Variants in TYW1B observed in about 807,000 individuals in gnomAD.
TYW1B encodes the protein S-adenosyl-L-methionine-dependent tRNA 4-demethylwyosine synthase TYW1B.
Under a neutral mutation model 86.9 loss-of-function variants are expected in TYW1B, and 73 were observed. The observed-to-expected ratio is 0.84, with a 90% CI of 0.70 to 1.02. The LOEUF (loss-of-function observed/expected upper bound fraction) is 1.02. Among genes scored for constraint, TYW1B ranks in the 50% least tolerant of loss-of-function variants. TYW1B has a pLI of 0.00. For missense variants in TYW1B, 637 were observed against 827.4 expected, an observed-to-expected ratio of 0.77 and a Z score of 2.82; for synonymous variants, 248 against 292.8, an observed-to-expected ratio of 0.85 and a Z score of 1.56.
intron 11 of TYW1B, among the ~76,000 whole-genome samples, chr7:72,652,938 A>G (rs1227328073): frequency 6.6e-6 from 1 of 152,204 alleles, no homozygotes; most frequent in Non-Finnish European, 1.5e-5. Flanking sequence ...GTGTACATAA[A>G]TTTTTGCAGT....
intron 11 of TYW1B, among the ~76,000 whole-genome samples, chr7:72,659,591 GA>G (rs1245106743): frequency 6.6e-6 from 1 of 151,918 alleles, no homozygotes; most frequent in Non-Finnish European, 1.5e-5. Context: ...GAAAAGAAAA[GA>G]AAAAAACAAA....
intron 13 of TYW1B, among the ~76,000 whole-genome samples, chr7:72,587,843 G>C (rs1300321617): frequency 6.6e-6 from 1 of 152,104 alleles, no homozygotes. Flanking sequence ...AGTTAGTTCA[G>C]TCTACACCCA....
At chr7:72,602,833 AACACACACACACACACACACAC>A (rs55709140) in intron 13 of TYW1B, among the ~76,000 whole-genome samples, 17 of 128,114 alleles carry the variant, frequency 1.3e-4, no homozygotes, top group African/African-American at 3.3e-4. Context: ...AAGTGCTCAA[AACACACACACACACACACACAC>A]ACACACACAC....
intron 6 of TYW1B, among the ~76,000 whole-genome samples, chr7:72,798,125 C>A (rs555447683): frequency 6.6e-6 from 1 of 152,034 alleles, no homozygotes; most frequent in African/African-American, 2.4e-5. Flanking sequence ...CTCAGCCGGC[C>A]GGGCGCGGTG....
chr7:72,704,018 T>C (rs1393866986), intron 10 of TYW1B, among the ~76,000 whole-genome samples: 12 of 152,166 alleles, frequency 7.9e-5, no homozygotes, highest in African/African-American at 2.4e-4. Context: ...CAATTAAAAA[T>C]CTACTACTGT....
In TYW1B at chr7:72,618,518, C is replaced by T. The variant is rs543965110; in HGVS notation, c.1618-1679G>A. On this transcript the variant is annotated intron_variant, in intron 12 of 13. Transcript: ENST00000620995. ...GGTGTGAGCCAACACGCCTGGCCAA[C>T]ACTTAATTTTTAAAAACCAACAAAT... Among the ~76,000 whole-genome samples the T allele has an allele frequency of 3.9e-4, 60 of 152,034 alleles. 2 individuals are homozygous for T. The highest frequency in any genetic ancestry group is 1.4e-3 in the African/African-American group (57 of 41,536).
intron 13 of TYW1B, among the ~76,000 whole-genome samples, chr7:72,611,590 T>C (rs1323108759): frequency 1.3e-5 from 2 of 152,080 alleles, no homozygotes; most frequent in African/African-American, 2.4e-5. Context: ...GAACTGTGAG[T>C]CCATTAAACC....
intron 11 of TYW1B, among the ~76,000 whole-genome samples, chr7:72,650,495 C>A (rs1323572698): frequency 6.6e-6 from 1 of 152,080 alleles, no homozygotes; most frequent in African/African-American, 2.4e-5. Flanking sequence ...AAAATTAAGC[C>A]TTCCATGCAA....
At chr7:72,591,607 C>A (rs1479975921) in intron 13 of TYW1B, among the ~76,000 whole-genome samples, 1 of 152,084 alleles carries the variant, frequency 6.6e-6, no homozygotes, top group African/African-American at 2.4e-5. Flanking sequence ...GGAAATAAGA[C>A]ATTTCCAAAT....
At chr7:72,813,553 G>A (rs1402539398) in intron 3 of TYW1B, among the ~76,000 whole-genome samples, 2 of 152,288 alleles carry the variant, frequency 1.3e-5, no homozygotes, top group East Asian at 3.9e-4. Context: ...GCCAGGCTAA[G>A]ACCTGAGATT....
At chr7:72,727,404 G>A (rs781885851) in intron 9 of TYW1B, among the ~76,000 whole-genome samples, 1 of 152,100 alleles carries the variant, frequency 6.6e-6, no homozygotes, top group Non-Finnish European at 1.5e-5. Flanking sequence ...GATTCAACAG[G>A]GAACCTAACA....
chr7:72,617,222 G>A (rs1269311137), intron 12 of TYW1B, among the ~76,000 whole-genome samples: 2 of 152,128 alleles, frequency 1.3e-5, no homozygotes, highest in Admixed American at 6.5e-5. Flanking sequence ...AATAATGGGG[G>A]CATAGTGGAC....
At chr7:72,671,440 T>C (rs1164801396) in intron 11 of TYW1B, among the ~76,000 whole-genome samples, 2 of 152,186 alleles carry the variant, frequency 1.3e-5, no homozygotes, top group African/African-American at 4.8e-5. Flanking sequence ...CAATGAATAA[T>C]CTTGTATATA....
chr7:72,803,410 C>T (rs1468906162), intron 5 of TYW1B, among the ~76,000 whole-genome samples: 1 of 152,104 alleles, frequency 6.6e-6, no homozygotes, highest in Non-Finnish European at 1.5e-5. Context: ...GACACATTTG[C>T]TGAGTATCTA....
intron 11 of TYW1B, among the ~76,000 whole-genome samples, chr7:72,674,242 TCCCAGG>T (rs1813682392): frequency 6.6e-6 from 1 of 152,128 alleles, no homozygotes; most frequent in African/African-American, 2.4e-5. Flanking sequence ...GGCAGCAACC[TCCCAGG>T]TTTCTTAGTC....
intron 7 of TYW1B, among the ~76,000 whole-genome samples, chr7:72,764,064 A>T (rs556563978): frequency 6.7e-6 from 1 of 149,896 alleles, no homozygotes; most frequent in South Asian, 2.1e-4. Context: ...AGATTATATG[A>T]AATTTATAGA....
Position 72,728,098 on chromosome 7 carries a change from TA to T in TYW1B, c.1192+723del, listed in dbSNP as rs1787035717. ...TATTTATATTATCCCTCCTTTTTTT[TA>T]AATAAGGAATTCATTCAAAACCGTT... On this transcript the variant is annotated intron_variant, in intron 9 of 13. Transcript: ENST00000620995. Among the ~76,000 whole-genome samples the T allele has an allele frequency of 2.6e-5, 4 of 152,268 alleles. No homozygotes were observed. The South Asian group carries it at 8.3e-4, about 32-fold the overall frequency.
At chr7:72,609,016 G>A (rs573071964) in intron 13 of TYW1B, among the ~76,000 whole-genome samples, 9 of 152,264 alleles carry the variant, frequency 5.9e-5, no homozygotes, top group Non-Finnish European at 7.4e-5. Context: ...TTGTACCAAC[G>A]TCTATTTCCT....
intron 9 of TYW1B, among the ~76,000 whole-genome samples, chr7:72,723,289 A>G (rs1786939091): frequency 6.6e-6 from 1 of 152,196 alleles, no homozygotes; most frequent in Non-Finnish European, 1.5e-5. Flanking sequence ...AATAATAATT[A>G]ATGAGCTAAG....
Sources: gnomAD v4.1 joint callset for allele counts (sites outside exome capture counted in the v4.1 genomes callset) on GRCh38, gnomAD v4.1.1 for gene constraint, MANE v1.5 for transcripts, NCBI Gene and HGNC (gene_info 2026-07-23, HGNC 2026-07-21) for gene names.